Variants in NRG1 observed in about 807,000 individuals in gnomAD.
NRG1 encodes pro-neuregulin-1, membrane-bound isoform.
Under a neutral mutation model 63.8 loss-of-function variants are expected in NRG1, and 18 were observed. The observed-to-expected ratio is 0.28, with a 90% CI of 0.19 to 0.42. The LOEUF (loss-of-function observed/expected upper bound fraction) is 0.42. Among genes scored for constraint, NRG1 ranks in the 10% least tolerant of loss-of-function variants. NRG1 has a pLI of 1.00. For missense variants in NRG1, 762 were observed against 814.7 expected (o/e 0.94, Z 0.79); for synonymous variants, 302 against 301.3 (o/e 1.00, Z -0.02).
chr8:32,500,996 T>A (rs1285184511), intron 1 of NRG1, among the ~76,000 whole-genome samples: 1 of 152,226 alleles, frequency 6.6e-6, no homozygotes, highest in African/African-American at 2.4e-5. Context: ...ATTTAAGCAA[T>A]GTCAGCAGAA....
At chr8:32,492,111 TA>T (rs1476530262) in intron 1 of NRG1, among the ~76,000 whole-genome samples, 1 of 151,508 alleles carries the variant, frequency 6.6e-6, no homozygotes, top group African/African-American at 2.4e-5. Context: ...CCTTAGTCAA[TA>T]CATTAAGAAA....
At chr8:32,529,243 G>A (rs2129516951) in intron 1 of NRG1, among the ~76,000 whole-genome samples, 1 of 152,244 alleles carries the variant, frequency 6.6e-6, no homozygotes, top group Admixed American at 6.5e-5. Context: ...ACAGAAAAAT[G>A]CAGTATAGAA....
rs187841946 is a variant in NRG1 at position 32,422,581 on chromosome 8, T to C, written c.38-173247T>C. On this transcript the variant is annotated intron_variant, in intron 1 of 10. Transcript: ENST00000519301. Reference sequence around the variant, plus strand: ...GGTAAATTCCTGAAAGTAGAATTGTTGGGACAAAAGATTTAGAGATTTTGT... The same window carrying C: ...GGTAAATTCCTGAAAGTAGAATTGTCGGGACAAAAGATTTAGAGATTTTGT... 2.5e-3 allele frequency among the ~76,000 whole-genome samples: 388 copies of C among 152,248 alleles called. 1 individual carries two copies. Among genetic ancestry groups the C allele is most frequent in the Admixed American group, 6.7e-3 (102 of 15,266 alleles).
At chr8:31,887,181 A>C (rs1015888355) in intron 1 of NRG1, among the ~76,000 whole-genome samples, 2 of 152,084 alleles carry the variant, frequency 1.3e-5, no homozygotes, top group African/African-American at 2.4e-5. Flanking sequence ...GAAAATCAGC[A>C]TGCAGATGAA....
At chr8:31,987,505 T>C (rs942549672) in intron 1 of NRG1, among the ~76,000 whole-genome samples, 1 of 151,770 alleles carries the variant, frequency 6.6e-6, no homozygotes, top group African/African-American at 2.4e-5. Context: ...GAAAACCAGA[T>C]ACCACATGTT....
intron 1 of NRG1, among the ~76,000 whole-genome samples, chr8:32,429,551 T>A (rs1402057287): frequency 3.9e-5 from 6 of 152,216 alleles, no homozygotes. Context: ...TGACTTGGAT[T>A]AGAGATACAC....
intron 1 of NRG1, among the ~76,000 whole-genome samples, chr8:32,115,062 G>A (rs546462063): frequency 6.6e-6 from 1 of 151,328 alleles, no homozygotes; most frequent in Admixed American, 6.6e-5. Flanking sequence ...ATGGAGTCTT[G>A]CTCTGTTGCC....
At chr8:32,262,269 C>G (rs539894215) in intron 1 of NRG1, among the ~76,000 whole-genome samples, 1 of 152,134 alleles carries the variant, frequency 6.6e-6, no homozygotes, top group Admixed American at 6.6e-5. Context: ...CTTGTACAGA[C>G]AGGACTGCTT....
intron 1 of NRG1, among the ~76,000 whole-genome samples, chr8:32,348,774 C>T (rs1280585829): frequency 1.3e-5 from 2 of 152,140 alleles, no homozygotes; most frequent in Non-Finnish European, 2.9e-5. Flanking sequence ...TGAGAATTTG[C>T]ATTCCAAGGT....
chr8:31,848,217 T>C (rs1225515199), intron 1 of NRG1, among the ~76,000 whole-genome samples: 1 of 152,172 alleles, frequency 6.6e-6, no homozygotes, highest in East Asian at 1.9e-4. Flanking sequence ...ACAATAATAT[T>C]TCAGGGTTCT....
chr8:31,886,282 G>GA (rs932232942), intron 1 of NRG1, among the ~76,000 whole-genome samples: 8 of 152,074 alleles, frequency 5.3e-5, no homozygotes, highest in African/African-American at 1.9e-4. Context: ...GGAAAATGTA[G>GA]AAATGTAGAA....
intron 1 of NRG1, among the ~76,000 whole-genome samples, chr8:32,418,779 T>C (rs1816292688): frequency 6.6e-6 from 1 of 152,190 alleles, no homozygotes; most frequent in African/African-American, 2.4e-5. Context: ...CGTATTACTC[T>C]AAGATTGTTC....
At position 32,315,777 on chromosome 8, in the gene NRG1, G is replaced by A. The variant is rs556589606; in HGVS notation, c.38-280051G>A. The stretch of plus-strand genomic sequence containing the variant: ...GTAAAATGAGTGAGCCCTCCTGTAG[G>A]TCACAGTGTCCAGCAGACTGGCAGG... On this transcript the variant is annotated intron_variant, in intron 1 of 10. Transcript: ENST00000519301. Among the ~76,000 whole-genome samples, 5 of 152,284 alleles carry A rather than the reference G, an allele frequency of 3.3e-5. No homozygotes were observed. In the South Asian group the frequency reaches 1.0e-3, roughly 32 times the overall value.
chr8:32,134,375 T>C (rs1835238488), intron 1 of NRG1, among the ~76,000 whole-genome samples: 1 of 152,118 alleles, frequency 6.6e-6, no homozygotes, highest in Non-Finnish European at 1.5e-5. Context: ...GTAGTTCGTC[T>C]TCAAAATAAA....
At chr8:32,219,905 T>G (rs1166355663) in intron 1 of NRG1, among the ~76,000 whole-genome samples, 1 of 152,212 alleles carries the variant, frequency 6.6e-6, no homozygotes, top group African/African-American at 2.4e-5. Flanking sequence ...AATCTGAGCT[T>G]TGCCACTTTG....
intron 1 of NRG1, among the ~76,000 whole-genome samples, chr8:32,486,157 C>T (rs1313010033): frequency 6.6e-6 from 1 of 152,098 alleles, no homozygotes; most frequent in Non-Finnish European, 1.5e-5. Flanking sequence ...GTCTCAAACT[C>T]CTGACCTCAA....
intron 1 of NRG1, among the ~76,000 whole-genome samples, chr8:32,193,304 T>TTG (rs142841681): frequency 0.5 from 74,438 of 147,910 alleles, 19,483 homozygotes; most frequent in Admixed American, 0.63. Context: ...TTTTCTACCT[T>TTG]TGTGTGTGTG....
intron 1 of NRG1, among the ~76,000 whole-genome samples, chr8:32,559,617 A>G (rs921622305): frequency 6.6e-6 from 1 of 152,168 alleles, no homozygotes; most frequent in Admixed American, 6.5e-5. Context: ...ACATTATTAT[A>G]CTTTAAATTG....
chr8:32,566,256 C>G (rs1472430261), intron 1 of NRG1, among the ~76,000 whole-genome samples: 1 of 148,864 alleles, frequency 6.7e-6, no homozygotes, highest in Non-Finnish European at 1.5e-5. Flanking sequence ...ACTTGGGAGG[C>G]TGAGGCAAGA....
Sources: gnomAD v4.1 joint callset for allele counts (sites outside exome capture counted in the v4.1 genomes callset) on GRCh38, gnomAD v4.1.1 for gene constraint, MANE v1.5 for transcripts, NCBI Gene and HGNC (gene_info 2026-07-23, HGNC 2026-07-21) for gene names.